The following SH3GL3 variants were observed in gnomAD, a reference collection of about 807,000 sequenced individuals.
SH3GL3 encodes endophilin-A3.
In SH3GL3, 33 loss-of-function variants were observed where a neutral mutation model predicts 47.7. The ratio of observed to expected loss-of-function variants is 0.69; its 90% CI spans 0.52 to 0.92. The LOEUF (loss-of-function observed/expected upper bound fraction) is 0.92. Ranked by LOEUF, SH3GL3 falls within the 40% of genes least tolerant of loss-of-function variation. SH3GL3 has a pLI of 0.00. For missense variants in SH3GL3, 363 were observed against 417.8 expected, an observed-to-expected ratio of 0.87 and a Z score of 1.14; for synonymous variants, 155 against 148.8, an observed-to-expected ratio of 1.04 and a Z score of -0.30.
At chr15:83,496,939 G>T (rs939602194) in intron 1 of SH3GL3, among the ~76,000 whole-genome samples, 5 of 151,814 alleles carry the variant, frequency 3.3e-5, no homozygotes, top group Admixed American at 3.3e-4. Context: ...TTCCTTTCCT[G>T]CCTGCCCAGA....
chr15:83,555,353 A>C (rs568387140), intron 1 of SH3GL3, among the ~76,000 whole-genome samples: 1 of 152,272 alleles, frequency 6.6e-6, no homozygotes, highest in Admixed American at 6.5e-5. Flanking sequence ...TTTTCTCTAG[A>C]AGTGAATTCA....
chr15:83,492,510 C>T (rs185698621), intron 1 of SH3GL3, among the ~76,000 whole-genome samples: 1 of 152,222 alleles, frequency 6.6e-6, no homozygotes, highest in Admixed American at 6.5e-5. Context: ...TACCTTCACT[C>T]CACTTCTACC....
At chr15:83,489,837 CGATAGATAGATAGATAGATA>C (rs60233650) in intron 1 of SH3GL3, among the ~76,000 whole-genome samples, 23,142 of 144,682 alleles carry the variant, frequency 0.16, 1,969 homozygotes, top group Middle Eastern at 0.21. Flanking sequence ...TGTCAGAAGC[CGATAGATAGATAGATAGATA>C]GATAGATAGA....
Position 83,618,254 on chromosome 15 carries a change from T to C in SH3GL3, c.1011T>C (p.Asn337=). The C allele has an allele frequency of 6.2e-7, 1 of 1,611,986 alleles. No homozygotes were observed. The highest frequency in any genetic ancestry group is 8.5e-7 in the Non-Finnish European group (1 of 1,178,000). ...GAGAATCGGGATTCTTCCCCATTAA[T>C]TACGTGGAAGTGATCGTGCCTTTAC... ...IHGESGFFPI[N]YVEVIVPLPQ is the part of the protein sequence containing the mutation. The change falls in exon 9 of 9, where the codon AAT becomes AAC. Residue 337 remains asparagine, a synonymous_variant. Transcript: ENST00000427482.
Position 83,576,841 on chromosome 15 carries a change from C to T in SH3GL3, c.624+100C>T, listed in dbSNP as rs2059694531. On this transcript the variant is annotated intron_variant, in intron 6 of 8. Transcript: ENST00000427482. Reference sequence around the variant, plus strand: ...TTGAAAAACTCTAAAGCAGGAGTGTCCAATCTTTTGGCTTCCCTGGGCCAC... The same window carrying T: ...TTGAAAAACTCTAAAGCAGGAGTGTTCAATCTTTTGGCTTCCCTGGGCCAC... 1.5e-5 allele frequency: 12 copies of T among 788,454 alleles called. No individual in the cohort carries two copies. In the South Asian group the frequency reaches 2.3e-4, roughly 15 times the overall value. 48.8% of individuals were successfully genotyped at this position (788,454 alleles called of 1,614,324 possible).
the SH3GL3 span, among the ~76,000 whole-genome samples, chr15:83,627,699 A>T: frequency 6.6e-6 from 1 of 152,192 alleles, no homozygotes; most frequent in African/African-American, 2.4e-5. Flanking sequence ...AAAGCCCCCA[A>T]ATGATCCTAA....
At chr15:83,548,519 CT>C (rs1472811674) in intron 1 of SH3GL3, among the ~76,000 whole-genome samples, 1 of 151,946 alleles carries the variant, frequency 6.6e-6, no homozygotes, top group Non-Finnish European at 1.5e-5. Context: ...ATGCTTTTGT[CT>C]GAAGATTTCT....
intron 8 of SH3GL3, among the ~76,000 whole-genome samples, chr15:83,610,321 A>G (rs1309466104): frequency 6.6e-6 from 1 of 152,158 alleles, no homozygotes; most frequent in African/African-American, 2.4e-5. Context: ...AGGATCACTT[A>G]AGCCCTGAAG....
At chr15:83,555,319 A>C (rs909141753) in intron 1 of SH3GL3, among the ~76,000 whole-genome samples, 26 of 152,234 alleles carry the variant, frequency 1.7e-4, no homozygotes, top group African/African-American at 6.3e-4. Context: ...CACATTAAAA[A>C]GTCTATATTG....
intron 8 of SH3GL3, among the ~76,000 whole-genome samples, chr15:83,604,761 A>G (rs1186233315): frequency 6.6e-6 from 1 of 152,210 alleles, no homozygotes; most frequent in African/African-American, 2.4e-5. Context: ...CTGAGAGGTT[A>G]AGTGAGATCT....
intron 1 of SH3GL3, among the ~76,000 whole-genome samples, chr15:83,467,623 T>A (rs1452825907): frequency 6.6e-6 from 1 of 152,246 alleles, no homozygotes; most frequent in African/African-American, 2.4e-5. Flanking sequence ...TTGGAAAGCA[T>A]TGATGAACAT....
intron 8 of SH3GL3, among the ~76,000 whole-genome samples, chr15:83,592,674 C>A (rs532076513): frequency 2.2e-4 from 33 of 152,334 alleles, no homozygotes; most frequent in South Asian, 8.3e-4. Context: ...GTATTTTAAG[C>A]TCGCTGAGGA....
chr15:83,511,147 TAAAAAAA>T (rs71673884), intron 1 of SH3GL3, among the ~76,000 whole-genome samples: 7 of 151,652 alleles, frequency 4.6e-5, no homozygotes, highest in Admixed American at 1.3e-4. Context: ...ATAATAATAA[TAAAAAAA>T]AGAAAGTTGG....
chr15:83,611,126 C>T (rs1246465076), intron 8 of SH3GL3, among the ~76,000 whole-genome samples: 1 of 151,562 alleles, frequency 6.6e-6, no homozygotes, highest in Non-Finnish European at 1.5e-5. Flanking sequence ...AGGGACTGAA[C>T]CATATTAATG....
chr15:83,500,540 A>G (rs182321609), intron 1 of SH3GL3, among the ~76,000 whole-genome samples: 2 of 152,302 alleles, frequency 1.3e-5, no homozygotes, highest in African/African-American at 4.8e-5. Flanking sequence ...GAGATGCTGC[A>G]TTGGGGGCCT....
rs879873637 is a variant in SH3GL3, at chr15:83,495,897, GTGTT to G, written c.45+48323_45+48326del. Reference sequence around the variant, plus strand: ...TAAGTACAAATTTTTATATGTGTGTGTGTTTGTGTGTGTGTATGTGTAGTACAGT... The same window carrying G: ...TAAGTACAAATTTTTATATGTGTGTGTGTGTGTGTGTATGTGTAGTACAGT... On this transcript the variant is annotated intron_variant, in intron 1 of 8. Transcript: ENST00000427482. 1.9e-4 allele frequency among the ~76,000 whole-genome samples: 29 copies of G among 152,110 alleles called. No individual in the cohort carries two copies. In the East Asian group the frequency reaches 4.8e-3, roughly 25 times the overall value.
chr15:83,600,674 C>T (rs1455626506), intron 8 of SH3GL3, among the ~76,000 whole-genome samples: 1 of 151,978 alleles, frequency 6.6e-6, no homozygotes, highest in African/African-American at 2.4e-5. Flanking sequence ...GCTATGTGGG[C>T]TCTTTTTTGG....
chr15:83,501,666 C>G (rs948072012), intron 1 of SH3GL3, among the ~76,000 whole-genome samples: 2 of 152,134 alleles, frequency 1.3e-5, no homozygotes, highest in Non-Finnish European at 2.9e-5. Context: ...CCTAGGCAGG[C>G]AGATCACCTG....
chr15:83,475,817 A>G (rs2041070581), intron 1 of SH3GL3, among the ~76,000 whole-genome samples: 1 of 152,236 alleles, frequency 6.6e-6, no homozygotes, highest in Non-Finnish European at 1.5e-5. Context: ...TGTTGCACCA[A>G]AATTAAAATT....
Sources: allele counts gnomAD v4.1 joint callset (sites outside exome capture counted in the v4.1 genomes callset), GRCh38; gene constraint gnomAD v4.1.1; transcripts MANE v1.5; gene names NCBI Gene and HGNC (gene_info 2026-07-23, HGNC 2026-07-21).